Variants in DROSHA observed in about 807,000 individuals in gnomAD.
The protein encoded by DROSHA is drosha ribonuclease III, also known as ribonuclease 3.
DROSHA carries 56 observed loss-of-function variants against 181.9 expected under a neutral mutation model. The ratio of observed to expected loss-of-function variants is 0.31; its 90% CI spans 0.25 to 0.38. The LOEUF (loss-of-function observed/expected upper bound fraction) is 0.38, where lower values mean the gene tolerates loss of function less well. Ranked by LOEUF, DROSHA falls within the 10% of genes least tolerant of loss-of-function variation. DROSHA has a pLI of 1.00. For missense variants in DROSHA, 1,218 were observed against 1,743.5 expected (o/e 0.70, Z 5.37); for synonymous variants, 524 against 591.2 (o/e 0.89, Z 1.65).
At chr5:31,450,432 G>A (rs993437988) in intron 21 of DROSHA, among the ~76,000 whole-genome samples, 2 of 152,118 alleles carry the variant, frequency 1.3e-5, no homozygotes, top group African/African-American at 4.8e-5. Flanking sequence ...ATCAACCTAA[G>A]TGCCTATCAA....
chr5:31,505,867 T>C lies in DROSHA; in HGVS notation c.1588-1232A>G. ...GAGATTTATAACTCATTATGTCCAA[T>C]TAAAATATAAAAGTCAATAAGACTT... On this transcript the variant is annotated intron_variant, in intron 10 of 35. Coordinates refer to ENST00000344624, the MANE Select transcript of DROSHA (RefSeq NM_001382508.1). 3 of 152,182 alleles carry C rather than the reference T, an allele frequency of 2.0e-5. No homozygotes were observed. The East Asian group carries it at 5.8e-4, about 29-fold the overall frequency. 9.4% of individuals were successfully genotyped at this position (152,182 alleles called of 1,614,324 possible).
intron 16 of DROSHA, among the ~76,000 whole-genome samples, chr5:31,481,900 G>A (rs1751073226): frequency 6.6e-6 from 1 of 152,176 alleles, no homozygotes; most frequent in Non-Finnish European, 1.5e-5. Flanking sequence ...TCTGTAGGAG[G>A]CTGCCTCTGG....
intron 5 of DROSHA, among the ~76,000 whole-genome samples, chr5:31,522,526 G>A (rs1322274451): frequency 6.6e-6 from 1 of 152,130 alleles, no homozygotes; most frequent in East Asian, 1.9e-4. Context: ...TGGTACCTCT[G>A]AGTGGGTAGG....
intron 10 of DROSHA, among the ~76,000 whole-genome samples, chr5:31,505,422 C>T (rs1256966932): frequency 6.6e-6 from 1 of 152,098 alleles, no homozygotes; most frequent in East Asian, 1.9e-4. Flanking sequence ...ACAAGAGGCA[C>T]CAGCATGCAT....
chr5:31,441,054 AAGAG>A (rs750208797), intron 23 of DROSHA, among the ~76,000 whole-genome samples: 7 of 152,106 alleles, frequency 4.6e-5, no homozygotes, highest in Admixed American at 1.3e-4. Flanking sequence ...AAATGAAAAA[AAGAG>A]AGAGAGAAAG....
intron 24 of DROSHA, among the ~76,000 whole-genome samples, chr5:31,436,427 C>T (rs1486473144): frequency 5.5e-5 from 8 of 145,602 alleles, no homozygotes; most frequent in Non-Finnish European, 7.5e-5. Context: ...GAGTCTCACT[C>T]TGTCACCCAG....
intron 5 of DROSHA, among the ~76,000 whole-genome samples, chr5:31,523,409 T>C (rs1488117028): frequency 6.6e-6 from 1 of 152,192 alleles, no homozygotes; most frequent in African/African-American, 2.4e-5. Flanking sequence ...AGATCCGCAA[T>C]TCACAGGACA....
chr5:31,485,453 A>T (rs545482278), intron 14 of DROSHA, among the ~76,000 whole-genome samples: 1 of 152,106 alleles, frequency 6.6e-6, no homozygotes, highest in Non-Finnish European at 1.5e-5. Flanking sequence ...ACAACTCTGC[A>T]CCAAAATTTC....
intron 10 of DROSHA, among the ~76,000 whole-genome samples, chr5:31,505,090 A>G (rs1285416522): frequency 1.3e-5 from 2 of 152,216 alleles, no homozygotes; most frequent in Non-Finnish European, 2.9e-5. Context: ...GAGAGAAGAA[A>G]ATGCTACTAA....
intron 20 of DROSHA, among the ~76,000 whole-genome samples, chr5:31,454,415 G>A (rs1747395453): frequency 6.6e-6 from 1 of 152,186 alleles, no homozygotes; most frequent in Non-Finnish European, 1.5e-5. Context: ...GCAGATTTTA[G>A]TGTGAAGCCA....
intron 23 of DROSHA, among the ~76,000 whole-genome samples, chr5:31,443,039 T>C (rs1423993339): frequency 6.6e-6 from 1 of 151,402 alleles, no homozygotes; most frequent in Admixed American, 6.6e-5. Context: ...GTTGGTCCGA[T>C]AGATTTTTTT....
chr5:31,532,062 T>C lies in DROSHA; in HGVS notation c.-322A>G. ...GCTACTACCGCAGGTACCAAGACAG[T>C]GGCACCGCCCGCGCCTCCGGAACAG... On this transcript the variant is annotated 5_prime_UTR_variant, in exon 1 of 36. Transcript: ENST00000344624. 1 of 380,854 alleles carries C rather than the reference T, an allele frequency of 2.6e-6. No homozygotes were observed. The highest frequency in any genetic ancestry group is 2.4e-5 in the South Asian group (1 of 40,958). 23.6% of individuals were successfully genotyped at this position (380,854 alleles called of 1,614,324 possible).
rs1369866527 is a variant in DROSHA, at chr5:31,526,161, T to C, written c.772A>G (p.Arg258Gly). 24 of 1,613,786 alleles carry C rather than the reference T, an allele frequency of 1.5e-5. No homozygotes were observed. The highest frequency in any genetic ancestry group is 1.6e-4 in the Middle Eastern group (1 of 6,084). ...CTGTACCGGCTGTCTTGTCTTCTCCTGTCGGGACTGCGGCCTCGCTCCCGC... is the reference window on the plus strand; with the variant it reads ...CTGTACCGGCTGTCTTGTCTTCTCCCGTCGGGACTGCGGCCTCGCTCCCGC... Reference protein sequence around the residue: ...DRRERGRSPDRRRQDSRYRSD... With the variant: ...DRRERGRSPDGRRQDSRYRSD... The change falls in exon 5 of 36, where the codon AGG becomes GGG. Residue 258 changes from arginine (R) to glycine (G), a missense_variant. By Grantham distance (125) the Arg-to-Gly change is moderately radical. This residue lies in a region of DROSHA where 536 missense variants were observed against 535.4 expected (regional missense o/e 1.00). Transcript: ENST00000344624.
intron 30 of DROSHA, among the ~76,000 whole-genome samples, chr5:31,416,632 T>A (rs1346462447): frequency 6.6e-6 from 1 of 151,934 alleles, no homozygotes; most frequent in Non-Finnish European, 1.5e-5. Flanking sequence ...ACCAGGCACA[T>A]AAAAGTAAGG....
At chr5:31,495,044 T>G (rs539116263) in intron 12 of DROSHA, among the ~76,000 whole-genome samples, 1 of 152,322 alleles carries the variant, frequency 6.6e-6, no homozygotes, top group South Asian at 2.1e-4. Flanking sequence ...TCCAACATTG[T>G]TGGCTATTAT....
At chr5:31,513,972 G>C (rs1738983379) in intron 8 of DROSHA, among the ~76,000 whole-genome samples, 1 of 152,160 alleles carries the variant, frequency 6.6e-6, no homozygotes, top group Non-Finnish European at 1.5e-5. Flanking sequence ...AAAGAAAAGA[G>C]AAGTGAGCAT....
At chr5:31,492,723 A>G (rs184080184) in intron 13 of DROSHA, among the ~76,000 whole-genome samples, 13 of 152,358 alleles carry the variant, frequency 8.5e-5, no homozygotes, top group African/African-American at 3.1e-4. Context: ...ATACCTGTAT[A>G]AAAATATCAT....
chr5:31,495,427 TA>T (rs1752868613), intron 11 of DROSHA, 55 bp from the exon 12 acceptor site: 2 of 1,479,978 alleles, frequency 1.4e-6, no homozygotes, highest in Admixed American at 3.7e-5. Context: ...TACTTTTACT[TA>T]AAAATATATT....
chr5:31,469,855 A>G (rs886785387), intron 17 of DROSHA, among the ~76,000 whole-genome samples: 2 of 152,256 alleles, frequency 1.3e-5, no homozygotes, highest in Non-Finnish European at 2.9e-5. Flanking sequence ...TCCTTGGAAG[A>G]TTAATTCTTT....
Sources: allele counts gnomAD v4.1 joint callset (sites outside exome capture counted in the v4.1 genomes callset), GRCh38; gene constraint gnomAD v4.1.1; regional missense constraint gnomAD v4.1.1; transcripts MANE v1.5; gene names NCBI Gene and HGNC (gene_info 2026-07-23, HGNC 2026-07-21).